The following PRDM15 variants were observed in gnomAD, a reference collection of about 807,000 sequenced individuals.
PRDM15 encodes the protein PR/SET domain 15, also known as PR domain zinc finger protein 15.
In PRDM15, 64 loss-of-function variants were observed where a neutral mutation model predicts 128.6. That is an observed-to-expected ratio of 0.50 (90% CI 0.41 to 0.61). The LOEUF is 0.61. Ranked by LOEUF, PRDM15 falls within the 20% of genes least tolerant of loss-of-function variation. The probability of loss-of-function intolerance (pLI) is 0.00; values close to 1 mark genes in which losing one functional copy is unlikely to be tolerated. For missense variants in PRDM15, 1,242 were observed against 1,569.1 expected (o/e 0.79, Z 3.52); for synonymous variants, 615 against 621.8 (o/e 0.99, Z 0.16).
chr21:41,804,540 G>T lies in PRDM15; in HGVS notation c.2727C>A (p.Ile909=). The T allele has an allele frequency of 6.4e-7, 1 of 1,565,770 alleles. No individual in the cohort carries two copies. Among genetic ancestry groups the T allele is most frequent in the African/African-American group, 1.3e-5 (1 of 74,214 alleles). The part of the protein sequence containing the change: ...TTTIDASSIG[I]VQPELTLEQE... ...GGGGCCCCATGCTGCTCACCTGGAC[G>T]ATGCCAATGGAGGAGGCGTCGATGG... The change falls in exon 22 of 24, where the codon ATC becomes ATA. Residue 909 remains isoleucine (I), a synonymous_variant. Coordinates refer to ENST00000398548, the MANE Select transcript of PRDM15 (RefSeq NM_001040424.3).
At chr21:41,850,288 CA>C (rs2063386977) in intron 5 of PRDM15, among the ~76,000 whole-genome samples, 1 of 147,376 alleles carries the variant, frequency 6.8e-6, no homozygotes, top group Admixed American at 6.9e-5. Flanking sequence ...GGTGCCCCCC[CA>C]CACTTTCCTC....
At chr21:41,838,833 TA>T (rs2062980256) in intron 7 of PRDM15, among the ~76,000 whole-genome samples, 1 of 152,208 alleles carries the variant, frequency 6.6e-6, no homozygotes, top group Admixed American at 6.5e-5. Flanking sequence ...CAATTGTCTC[TA>T]ATTAATAGAA....
At chr21:41,819,194 G>C (rs768176500) in intron 18 of PRDM15, among the ~76,000 whole-genome samples, 1 of 152,200 alleles carries the variant, frequency 6.6e-6, no homozygotes, top group Admixed American at 6.5e-5. Flanking sequence ...AGCGACTGAA[G>C]CCTATGGGCT....
intron 21 of PRDM15, among the ~76,000 whole-genome samples, chr21:41,806,103 C>T: frequency 7.2e-6 from 1 of 138,016 alleles, no homozygotes; most frequent in Non-Finnish European, 1.6e-5. Flanking sequence ...TCACCACCAC[C>T]ATCACCACCA....
chr21:41,868,613 G>A (rs1426471598), intron 1 of PRDM15, among the ~76,000 whole-genome samples: 10 of 151,812 alleles, frequency 6.6e-5, no homozygotes, highest in Non-Finnish European at 1.5e-5. Flanking sequence ...TCACGTGCTT[G>A]TAGGCCACAT....
At chr21:41,820,316 C>T (rs2146377166) in intron 16 of PRDM15, 142 bp from the exon 17 acceptor site, 1 of 661,772 alleles carries the variant, frequency 1.5e-6, no homozygotes, top group Non-Finnish European at 2.7e-6. Flanking sequence ...ATTTGAGCCT[C>T]TGCCACGGGC....
At position 41,862,289 on chromosome 21, in the gene PRDM15, A is replaced by G. The variant is rs1207896161; in HGVS notation, c.-9-1917T>C. 6.6e-6 allele frequency among the ~76,000 whole-genome samples: 1 copy of G among 152,204 alleles called. No individual in the cohort carries two copies. Among genetic ancestry groups the G allele is most frequent in the Non-Finnish European group, 1.5e-5 (1 of 68,032 alleles). On this transcript the variant is annotated intron_variant, in intron 1 of 23. Coordinates refer to ENST00000398548, the MANE Select transcript of PRDM15 (RefSeq NM_001040424.3). The surrounding 1 kb of genome is among the most constrained non-coding windows in gnomAD (Gnocchi z 4.1). ...GATCACCGCAGAACACAGAGTCCCA[A>G]CAAAGGTATTGGAATCGGAGTGGGA... is the stretch of plus-strand genomic sequence containing the variant.
chr21:41,825,070 G>A (rs1344081800), intron 13 of PRDM15, among the ~76,000 whole-genome samples: 1 of 152,236 alleles, frequency 6.6e-6, no homozygotes, highest in Non-Finnish European at 1.5e-5. Flanking sequence ...GGAGCTGCTG[G>A]GCCCAGAGCC....
intron 21 of PRDM15, among the ~76,000 whole-genome samples, chr21:41,805,988 T>TCACCACCAC (rs771551606): frequency 9.3e-5 from 4 of 42,874 alleles, no homozygotes; most frequent in Non-Finnish European, 1.4e-4. Flanking sequence ...ATCACCACTA[T>TCACCACCAC]CACCACCACC....
intron 1 of PRDM15, among the ~76,000 whole-genome samples, chr21:41,863,868 G>C (rs768736570): frequency 2.6e-5 from 4 of 151,304 alleles, no homozygotes; most frequent in Non-Finnish European, 5.9e-5. Context: ...TTTTGAGATG[G>C]AGTCTTGCTC....
At chr21:41,877,849 C>G (rs1391161472) in intron 1 of PRDM15, among the ~76,000 whole-genome samples, 1 of 151,706 alleles carries the variant, frequency 6.6e-6, no homozygotes, top group African/African-American at 2.4e-5. Context: ...AAGTATGAAT[C>G]ACAGATAGAA....
intron 1 of PRDM15, chr21:41,878,933 GGGGGGCGCGAGGCAGGGGAC>G: frequency 1.0e-6 from 1 of 953,416 alleles, no homozygotes; most frequent in Non-Finnish European, 1.2e-6. Context: ...GCGGGCGGGC[GGGGGGCGCGAGGCAGGGGAC>G]GGGGGCGCGG....
chr21:41,801,518 C>T lies in PRDM15; in HGVS notation c.3148G>A (p.Gly1050Ser), dbSNP rs769745019. The T allele has an allele frequency of 6.8e-6, 11 of 1,614,160 alleles. No individual in the cohort carries two copies. The highest frequency in any genetic ancestry group is 1.7e-5 in the Admixed American group (1 of 60,022). ...ILTVTFDTVS[G>S]SAMLHNRQND... Reference sequence around the variant, plus strand: ...TGGCGGTTGTGCAACATGGCAGAGCCGCTGACGGTATCAAAGGTCACGGTC... The same window carrying T: ...TGGCGGTTGTGCAACATGGCAGAGCTGCTGACGGTATCAAAGGTCACGGTC... The change falls in exon 24 of 24, where the codon GGC (glycine) becomes AGC (serine). Residue 1050 changes from glycine to serine, a missense_variant. Physicochemically the swap from Gly to Ser is moderately conservative, Grantham distance 56. Around this residue, in one of 3 missense-constraint regions of PRDM15, gnomAD observed 602 missense variants for 788.3 expected, o/e 0.76. Transcript: ENST00000398548.
chr21:41,851,732 C>G (rs143913631), intron 5 of PRDM15, among the ~76,000 whole-genome samples: 469 of 152,240 alleles, frequency 3.1e-3, no homozygotes, highest in Non-Finnish European at 4.2e-3. Flanking sequence ...CAACAGGGGG[C>G]TCTCTCGGGA....
intron 6 of PRDM15, among the ~76,000 whole-genome samples, chr21:41,841,408 C>T (rs1325660081): frequency 2.0e-5 from 3 of 152,094 alleles, no homozygotes; most frequent in African/African-American, 4.8e-5. Context: ...ATTCAATATC[C>T]GGTGAAAACC....
rs771311529 is a variant in PRDM15, at chr21:41,867,256, C to T, written c.-9-6884G>A. The T allele has an allele frequency of 1.4e-5, 21 of 1,501,654 alleles. No individual in the cohort carries two copies. In the South Asian group the frequency reaches 2.3e-4, roughly 17 times the overall value. The allele number at this position is 1,501,654 out of a possible 1,614,324, so 93.0% of individuals were successfully genotyped here. On this transcript the variant is annotated intron_variant, in intron 1 of 23. Transcript: ENST00000398548. ...GCGCCGGTAGTCAAACTTCGTAACA[C>T]CAAAAGGAGTTAAGATGCAACTCCT... is the stretch of plus-strand genomic sequence containing the variant.
rs753324067 is a variant in PRDM15 at position 41,836,543 on chromosome 21, G to A, written c.1108C>T (p.Arg370Trp). The A allele has an allele frequency of 6.2e-7, 1 of 1,613,160 alleles. No individual in the cohort carries two copies. Among genetic ancestry groups the A allele is most frequent in the South Asian group, 1.1e-5 (1 of 91,020 alleles). ...CTGCAGATATTGCACTGGTAAACCC[G>A]CTTGTGCTCCCCGAGCTGTTTGATG... Reference protein sequence around the residue: ...KLIKQLGEHKRVYQCNICSKI... With the variant: ...KLIKQLGEHKWVYQCNICSKI... Residue 370 changes from arginine to tryptophan, a missense_variant, in exon 9 of 24, where the codon CGG (arginine) becomes TGG (tryptophan). By Grantham distance (101) the Arg-to-Trp change is moderately radical. Coordinates refer to ENST00000398548, the MANE Select transcript of PRDM15 (RefSeq NM_001040424.3).
intron 5 of PRDM15, among the ~76,000 whole-genome samples, chr21:41,848,328 A>G (rs536378802): frequency 1.3e-5 from 2 of 152,256 alleles, no homozygotes; most frequent in Admixed American, 1.3e-4. Context: ...CTGAGTTTTC[A>G]TAAGATAACA....
Position 41,836,108 on chromosome 21 carries a change from C to A in PRDM15, c.1278+5G>T. 6.2e-7 allele frequency: 1 copy of A among 1,611,132 alleles called. No individual in the cohort carries two copies. On this transcript the variant is annotated splice_donor_5th_base_variant and intron_variant, in intron 10 of 23. Coordinates refer to ENST00000398548, the MANE Select transcript of PRDM15 (RefSeq NM_001040424.3). ...GAAGAGAACCCTGGGCTTGTTTCCA[C>A]CCACCTCGTTCCTGCTGTGCTTGTA... is the stretch of plus-strand genomic sequence containing the variant.
Sources: allele counts gnomAD v4.1 joint callset (sites outside exome capture counted in the v4.1 genomes callset), GRCh38; gene constraint gnomAD v4.1.1; regional missense constraint gnomAD v4.1.1; non-coding constraint Gnocchi (gnomAD v3.1); transcripts MANE v1.5; gene names NCBI Gene and HGNC (gene_info 2026-07-23, HGNC 2026-07-21).